Variants in AFDN observed in about 807,000 individuals in gnomAD.
AFDN encodes afadin, adherens junction formation factor.
Under a neutral mutation model 216.6 loss-of-function variants are expected in AFDN, and 68 were observed. That is an observed-to-expected ratio of 0.31 (90% CI 0.26 to 0.38). The LOEUF (loss-of-function observed/expected upper bound fraction) is 0.38, where lower values mean the gene tolerates loss of function less well. Ranked by LOEUF, AFDN falls within the 10% of genes least tolerant of loss-of-function variation. AFDN has a pLI of 1.00. For missense variants in AFDN, 2,136 were observed against 2,342.0 expected, an observed-to-expected ratio of 0.91 and a Z score of 1.82; for synonymous variants, 868 against 853.7, an observed-to-expected ratio of 1.02 and a Z score of -0.29.
At position 167,914,633 on chromosome 6, in the gene AFDN, T is replaced by C; in HGVS notation, c.2205-11T>C. ...ATGCTAAGATTACTTAAATTGTCTA[T>C]GTATTTTCAGATACTTGGTTCACTG... On this transcript the variant is annotated splice_polypyrimidine_tract_variant and intron_variant, in intron 17 of 33. Transcript: ENST00000683244. 2 of 1,569,324 alleles carry C rather than the reference T, an allele frequency of 1.3e-6. No individual in the cohort carries two copies. The highest frequency in any genetic ancestry group is 1.1e-5 in the South Asian group (1 of 90,110).
intron 12 of AFDN, among the ~76,000 whole-genome samples, chr6:167,904,664 C>T (rs570034934): frequency 2.6e-5 from 4 of 152,270 alleles, no homozygotes; most frequent in South Asian, 4.2e-4. Context: ...CCATCTGCAG[C>T]GTTGCTCCAA....
At chr6:167,826,883 T>TCGGCG (rs1779120928), upstream of AFDN, 2 of 131,762 alleles carry the variant, frequency 1.5e-5, no homozygotes, top group Non-Finnish European at 3.4e-5. Flanking sequence ...CGCGGGCGGG[T>TCGGCG]GCGGGCGGCG....
intron 1 of AFDN, among the ~76,000 whole-genome samples, chr6:167,847,458 A>G (rs577293766): frequency 6.6e-6 from 1 of 151,796 alleles, no homozygotes; most frequent in Non-Finnish European, 1.5e-5. Flanking sequence ...CCACCACTGC[A>G]CTCTCATCGG....
chr6:167,935,226 A>G (rs1793837490), intron 23 of AFDN, among the ~76,000 whole-genome samples: 1 of 152,182 alleles, frequency 6.6e-6, no homozygotes, highest in East Asian at 1.9e-4. Flanking sequence ...TTCAAGAGGC[A>G]TTTTAAGATT....
intron 26 of AFDN, 29 bp downstream of exon 26, chr6:167,944,088 T>G (rs750406777): frequency 1.9e-6 from 3 of 1,546,156 alleles, no homozygotes; most frequent in South Asian, 2.2e-5. Flanking sequence ...ACAACAGTGT[T>G]TTACAGTCAT....
In AFDN at chr6:167,902,350, A is replaced by G; in HGVS notation, c.1614A>G (p.Gly538=). 6.2e-7 allele frequency: 1 copy of G among 1,612,954 alleles called. No individual in the cohort carries two copies. The highest frequency in any genetic ancestry group is 8.5e-7 in the Non-Finnish European group (1 of 1,179,204). The change falls in exon 12 of 34, where the codon GGA becomes GGG. Residue 538 remains glycine (G), a synonymous_variant. Coordinates refer to ENST00000683244, the MANE Select transcript of AFDN (RefSeq NM_001386888.1). ...AGGAGACAACTTTTGATTTGGGAGGAGATATTCATAGTGGGACAGCATTAC... is the reference window on the plus strand; with the variant it reads ...AGGAGACAACTTTTGATTTGGGAGGGGATATTCATAGTGGGACAGCATTAC... ...IVQETTFDLG[G]DIHSGTALPT... is the part of the protein sequence containing the mutation.
intron 12 of AFDN, among the ~76,000 whole-genome samples, chr6:167,903,825 T>C (rs1367341221): frequency 1.3e-5 from 2 of 152,234 alleles, no homozygotes; most frequent in Non-Finnish European, 2.9e-5. Context: ...CCACAGGGAC[T>C]GTCTGTCAGG....
intron 21 of AFDN, among the ~76,000 whole-genome samples, chr6:167,919,915 A>G (rs543937952): frequency 1.3e-5 from 2 of 152,288 alleles, no homozygotes; most frequent in South Asian, 2.1e-4. Flanking sequence ...GGTGAGTGTG[A>G]TTTTTAATTT....
At chr6:167,955,843 C>T (rs552508238) in intron 30 of AFDN, among the ~76,000 whole-genome samples, 1 of 152,060 alleles carries the variant, frequency 6.6e-6, no homozygotes, top group Non-Finnish European at 1.5e-5. Context: ...TGGGTGGGCA[C>T]AGTGGTTCAT....
In AFDN at chr6:167,879,340, T is replaced by G. The variant is rs182899539; in HGVS notation, c.740-1020T>G. Among the ~76,000 whole-genome samples the G allele has an allele frequency of 2.8e-3, 430 of 152,328 alleles. 4 individuals are homozygous for G. The highest frequency in any genetic ancestry group is 0.025 in the Admixed American group (375 of 15,302). On this transcript the variant is annotated intron_variant, in intron 5 of 33. Transcript: ENST00000683244. The stretch of plus-strand genomic sequence containing the variant: ...GTTGAAAAAGAGAGTATGAGAAATA[T>G]TCAGTAACTGAAATAACTGCATTAG...
chr6:167,898,313 C>T lies in AFDN; in HGVS notation c.1426C>T (p.Arg476Cys), dbSNP rs761901522. Residue 476 changes from arginine to cysteine, a missense_variant, in exon 11 of 34, where the codon CGC (arginine) becomes TGC (cysteine). This residue lies in a region of AFDN where 817 missense variants were observed against 965.7 expected (regional missense o/e 0.85). Transcript: ENST00000683244. The stretch of plus-strand genomic sequence containing the variant: ...CGCAGAAACCTACGTGGAAGGCCAG[C>T]GCATCTCAGAAACCACCATGCTGCA... ...MDAETYVEGQ[R>C]ISETTMLQSG... The T allele has an allele frequency of 5.0e-6, 8 of 1,614,076 alleles. No individual in the cohort carries two copies. Among genetic ancestry groups the T allele is most frequent in the South Asian group, 2.2e-5 (2 of 91,066 alleles).
chr6:167,852,502 T>A (rs918165467), intron 1 of AFDN, among the ~76,000 whole-genome samples: 1 of 152,198 alleles, frequency 6.6e-6, no homozygotes, highest in Non-Finnish European at 1.5e-5. Flanking sequence ...TCATATTGAA[T>A]CCCATTAGAA....
rs1796056012 is a variant in AFDN at position 167,952,121 on chromosome 6, G to A, written c.4767G>A (p.Glu1589=). The part of the protein sequence containing the change: ...ESKQKDEDDE[E]EEDDDVDTML... ...AGCAGAAGGACGAAGATGACGAGGAGGAGGAGGACGATGATGTGGACACCA... is the reference window on the plus strand; with the variant it reads ...AGCAGAAGGACGAAGATGACGAGGAAGAGGAGGACGATGATGTGGACACCA... The change falls in exon 30 of 34, where the codon GAG becomes GAA. Residue 1589 remains glutamate, a synonymous_variant. Coordinates refer to ENST00000683244, the MANE Select transcript of AFDN (RefSeq NM_001386888.1). 1.2e-6 allele frequency: 2 copies of A among 1,614,194 alleles called. No individual in the cohort carries two copies. The highest frequency in any genetic ancestry group is 1.3e-5 in the African/African-American group (1 of 75,054).
intron 23 of AFDN, among the ~76,000 whole-genome samples, chr6:167,925,385 G>A (rs1014411039): frequency 2.0e-5 from 3 of 152,136 alleles, no homozygotes; most frequent in Non-Finnish European, 2.9e-5. Context: ...AACTTGATTC[G>A]CACAGTGAGG....
intron 8 of AFDN, among the ~76,000 whole-genome samples, chr6:167,891,556 C>A (rs558091346): frequency 6.6e-6 from 1 of 152,020 alleles, no homozygotes; most frequent in African/African-American, 2.4e-5. Context: ...TTTAAAGTAA[C>A]AGACTACATT....
At position 167,951,223 on chromosome 6, in the gene AFDN, A is replaced by G. The variant is rs1051191095; in HGVS notation, c.3869A>G (p.Lys1290Arg). 3 of 1,589,808 alleles carry G rather than the reference A, an allele frequency of 1.9e-6. No homozygotes were observed. The highest frequency in any genetic ancestry group is 2.6e-6 in the Non-Finnish European group (3 of 1,170,736). Residue 1290 changes from lysine to arginine, a missense_variant, in exon 30 of 34, where the codon AAA (lysine) becomes AGA (arginine). By Grantham distance (26) the Lys-to-Arg change is conservative. Coordinates refer to ENST00000683244, the MANE Select transcript of AFDN (RefSeq NM_001386888.1). This position sits in a 1 kb window ranked among gnomAD's most constrained non-coding sequence, Gnocchi z 7.1. ...TRSQEELRED[K>R]AYQLERHRIE... ...TCCCAAGAAGAACTTCGAGAAGATA[A>G]AGCTTACCAACTTGAGCGGCATCGA...
chr6:167,915,106 A>G (rs867670344), intron 18 of AFDN, 62 bp from the exon 19 acceptor site: 20 of 1,566,024 alleles, frequency 1.3e-5, no homozygotes, highest in Admixed American at 6.9e-5. Flanking sequence ...TCTGCTGCAC[A>G]TTCAAAGGCT....
intron 1 of AFDN, among the ~76,000 whole-genome samples, chr6:167,850,254 C>G (rs1177839150): frequency 1.3e-5 from 2 of 152,120 alleles, no homozygotes; most frequent in Non-Finnish European, 2.9e-5. Flanking sequence ...GTCCCAACCC[C>G]CCTCTCGCTC....
In AFDN at chr6:167,952,094, G is replaced by C. The variant is rs370297724; in HGVS notation, c.4740G>C (p.Ser1580=). 3.7e-6 allele frequency: 6 copies of C among 1,614,136 alleles called. No individual in the cohort carries two copies. The highest frequency in any genetic ancestry group is 4.5e-5 in the East Asian group (2 of 44,864). The change falls in exon 30 of 34, where the codon TCG becomes TCC. Residue 1580 remains serine, a synonymous_variant. Coordinates refer to ENST00000683244, the MANE Select transcript of AFDN (RefSeq NM_001386888.1). ...AGTTCCAGAAGAGACTCCAGGAGTC[G>C]AAGCAGAAGGACGAAGATGACGAGG... ...EWQFQKRLQE[S]KQKDEDDEEE...
Sources: allele counts gnomAD v4.1 joint callset (sites outside exome capture counted in the v4.1 genomes callset), GRCh38; gene constraint gnomAD v4.1.1; regional missense constraint gnomAD v4.1.1; non-coding constraint Gnocchi (gnomAD v3.1); transcripts MANE v1.5; gene names NCBI Gene and HGNC (gene_info 2026-07-23, HGNC 2026-07-21).